Variants in HPSE2 observed in about 807,000 individuals in gnomAD.
HPSE2 encodes heparanase 2 (inactive).
A neutral mutation model predicts 60.5 loss-of-function variants in HPSE2; 38 were observed. That is an observed-to-expected ratio of 0.63 (90% CI 0.48 to 0.82). The LOEUF is 0.82. HPSE2 is among the 40% of genes least tolerant of loss of function. HPSE2 has a pLI of 0.00. For missense variants in HPSE2, 713 were observed against 740.4 expected, an observed-to-expected ratio of 0.96 and a Z score of 0.43; for synonymous variants, 295 against 293.2, an observed-to-expected ratio of 1.01 and a Z score of -0.06.
chr10:98,588,681 C>T (rs1268785194), intron 9 of HPSE2, among the ~76,000 whole-genome samples: 1 of 151,878 alleles, frequency 6.6e-6, no homozygotes, highest in Non-Finnish European at 1.5e-5. Context: ...GGCACCGAGA[C>T]AAAGCCAAAA....
chr10:98,513,045 T>A (rs574081298), intron 9 of HPSE2, among the ~76,000 whole-genome samples: 9 of 152,328 alleles, frequency 5.9e-5, no homozygotes, highest in Middle Eastern at 3.4e-3. Context: ...TTCATATGTG[T>A]CTTTCCTTCT....
chr10:99,298,528 T>C, the HPSE2 span, among the ~76,000 whole-genome samples: 3 of 152,190 alleles, frequency 2.0e-5, no homozygotes, highest in Non-Finnish European at 2.9e-5. Context: ...TCATTTACTA[T>C]GGCAATAAAG....
At chr10:98,467,636 A>C (rs1310957222) in intron 11 of HPSE2, among the ~76,000 whole-genome samples, 3 of 152,130 alleles carry the variant, frequency 2.0e-5, no homozygotes, top group Non-Finnish European at 2.9e-5. Flanking sequence ...CTTGTCCTAC[A>C]CAATGGTGCC....
At chr10:99,148,974 C>T (rs1156499196) in intron 2 of HPSE2, among the ~76,000 whole-genome samples, 3 of 151,826 alleles carry the variant, frequency 2.0e-5, no homozygotes, top group Non-Finnish European at 4.4e-5. Context: ...CACTAAAGAA[C>T]TTATGCATGT....
chr10:99,065,654 G>T (rs1277998520), intron 3 of HPSE2, among the ~76,000 whole-genome samples: 3 of 152,126 alleles, frequency 2.0e-5, no homozygotes, highest in Admixed American at 6.6e-5. Flanking sequence ...GAAAGAGGAG[G>T]TCTAATGAAG....
chr10:98,541,523 C>T (rs11189655), intron 9 of HPSE2, among the ~76,000 whole-genome samples: 42,012 of 152,096 alleles, frequency 0.28, 6,214 homozygotes, highest in East Asian at 0.48. Flanking sequence ...GGCATTGCCT[C>T]ACTCAGGAAG....
the HPSE2 span, among the ~76,000 whole-genome samples, chr10:99,255,360 A>G: frequency 5.7e-4 from 87 of 152,278 alleles, no homozygotes; most frequent in African/African-American, 2.0e-3. Context: ...CCTGTCCCCA[A>G]TTTATTCTAT....
intron 2 of HPSE2, among the ~76,000 whole-genome samples, chr10:99,223,801 G>C (rs1489623511): frequency 6.6e-6 from 1 of 152,104 alleles, no homozygotes; most frequent in African/African-American, 2.4e-5. Context: ...ATTCAGAAAA[G>C]AATTTTAGAA....
chr10:99,093,639 A>G (rs185166525), intron 3 of HPSE2, among the ~76,000 whole-genome samples: 1 of 152,190 alleles, frequency 6.6e-6, no homozygotes, highest in Non-Finnish European at 1.5e-5. Context: ...TGTCAAGTGC[A>G]AGAGCCCACT....
chr10:98,809,373 T>A (rs1951115635), intron 3 of HPSE2, among the ~76,000 whole-genome samples: 1 of 152,080 alleles, frequency 6.6e-6, no homozygotes, highest in Admixed American at 6.6e-5. Flanking sequence ...TAGGGTACTA[T>A]TAATATAATG....
At chr10:98,982,597 G>A (rs1219525831) in intron 3 of HPSE2, among the ~76,000 whole-genome samples, 3 of 152,040 alleles carry the variant, frequency 2.0e-5, no homozygotes, top group East Asian at 1.9e-4. Flanking sequence ...TAATGGCAAA[G>A]TTGCCAGTAA....
intron 9 of HPSE2, among the ~76,000 whole-genome samples, chr10:98,519,295 T>C (rs934594999): frequency 1.3e-5 from 2 of 152,242 alleles, no homozygotes; most frequent in Non-Finnish European, 2.9e-5. Flanking sequence ...CATAGTTTAG[T>C]TGGCCCACAG....
At chr10:99,072,970 AAAC>A (rs1842846820) in intron 3 of HPSE2, among the ~76,000 whole-genome samples, 2 of 148,148 alleles carry the variant, frequency 1.3e-5, no homozygotes, top group Non-Finnish European at 3.0e-5. Flanking sequence ...AAAAGACAAG[AAAC>A]AACAGATGCT....
chr10:99,305,736 A>G, the HPSE2 span, among the ~76,000 whole-genome samples: 3 of 152,074 alleles, frequency 2.0e-5, no homozygotes, highest in Non-Finnish European at 4.4e-5. Context: ...ACTTATATAT[A>G]TGAATATATA....
chr10:99,100,365 C>T (rs568998040), intron 3 of HPSE2, among the ~76,000 whole-genome samples: 12 of 152,204 alleles, frequency 7.9e-5, no homozygotes, highest in South Asian at 2.1e-4. Context: ...CAGTACCCAA[C>T]TCGATCAACT....
intron 3 of HPSE2, among the ~76,000 whole-genome samples, chr10:99,024,959 T>G (rs1055825270): frequency 8.6e-5 from 13 of 151,974 alleles, no homozygotes; most frequent in Admixed American, 5.2e-4. Context: ...TAATGAGCAA[T>G]AAATAATCAC....
chr10:98,760,138 A>C (rs1949973078), intron 3 of HPSE2, among the ~76,000 whole-genome samples: 1 of 152,078 alleles, frequency 6.6e-6, no homozygotes, highest in African/African-American at 2.4e-5. Flanking sequence ...TATATCCTGC[A>C]ACCTGTACTG....
At chr10:98,753,708 GC>G (rs1949812510) in intron 3 of HPSE2, among the ~76,000 whole-genome samples, 1 of 152,136 alleles carries the variant, frequency 6.6e-6, no homozygotes, top group Non-Finnish European at 1.5e-5. Context: ...CCTGGTACCA[GC>G]CCCCCAGGGT....
intron 3 of HPSE2, among the ~76,000 whole-genome samples, chr10:99,100,034 G>T (rs1327514857): frequency 6.6e-6 from 1 of 152,146 alleles, no homozygotes; most frequent in Non-Finnish European, 1.5e-5. Context: ...AAACCACAAA[G>T]ATGGGGAAAA....
Sources: allele counts gnomAD v4.1 joint callset (sites outside exome capture counted in the v4.1 genomes callset), GRCh38; gene constraint gnomAD v4.1.1; transcripts MANE v1.5; gene names NCBI Gene and HGNC (gene_info 2026-07-23, HGNC 2026-07-21).